The following NCOA2 variants were observed in gnomAD, a reference collection of about 807,000 sequenced individuals.
NCOA2 encodes the protein class E basic helix-loop-helix protein 75.
Under a neutral mutation model 145.1 loss-of-function variants are expected in NCOA2, and 21 were observed. The observed-to-expected ratio is 0.14, with a 90% CI of 0.10 to 0.21. The LOEUF (loss-of-function observed/expected upper bound fraction) is 0.21. Ranked by LOEUF, NCOA2 falls within the 10% of genes least tolerant of loss-of-function variation. The probability of loss-of-function intolerance (pLI) is 1.00; values close to 1 mark genes in which losing one functional copy is unlikely to be tolerated. For missense variants in NCOA2, 1,472 were observed against 1,837.6 expected, an observed-to-expected ratio of 0.80 and a Z score of 3.64; for synonymous variants, 619 against 637.5, an observed-to-expected ratio of 0.97 and a Z score of 0.44.
At chr8:70,226,952 C>T (rs2134139923) in intron 2 of NCOA2, among the ~76,000 whole-genome samples, 1 of 152,118 alleles carries the variant, frequency 6.6e-6, no homozygotes, top group East Asian at 1.9e-4. Context: ...TCCCTTTACG[C>T]AGGCTTCACA....
In NCOA2 at chr8:70,113,533, G is replaced by A. The variant is rs1475954800; in HGVS notation, c.*99C>T. 2.9e-6 allele frequency: 4 copies of A among 1,383,828 alleles called. No homozygotes were observed. Among genetic ancestry groups the A allele is most frequent in the Non-Finnish European group, 4.0e-6 (4 of 996,394 alleles). 85.7% of individuals were successfully genotyped at this position (1,383,828 alleles called of 1,614,324 possible). ...TCTGCTCTAGCAGAACCGGCTGGCA[G>A]GTCAGTTGGGTTGAAACAAATAGAC... is the stretch of plus-strand genomic sequence containing the variant. On this transcript the variant is annotated 3_prime_UTR_variant, in exon 23 of 23. Coordinates refer to ENST00000452400, the MANE Select transcript of NCOA2 (RefSeq NM_006540.4).
At chr8:70,383,608 C>T (rs1453621469) in intron 1 of NCOA2, among the ~76,000 whole-genome samples, 3 of 152,034 alleles carry the variant, frequency 2.0e-5, no homozygotes, top group East Asian at 1.9e-4. Context: ...TGGGTTCAAG[C>T]GATTCTCCTG....
chr8:70,183,652 C>T (rs1226428574), intron 4 of NCOA2, among the ~76,000 whole-genome samples: 1 of 152,176 alleles, frequency 6.6e-6, no homozygotes, highest in East Asian at 1.9e-4. Context: ...GGCACAGATG[C>T]CCTTCCACCC....
intron 2 of NCOA2, among the ~76,000 whole-genome samples, chr8:70,291,122 G>A (rs1038605386): frequency 6.6e-6 from 1 of 152,040 alleles, no homozygotes. Context: ...ATTCAAGTTT[G>A]AATTGAACCC....
chr8:70,177,429 T>A (rs548969158), intron 4 of NCOA2, among the ~76,000 whole-genome samples: 1 of 152,080 alleles, frequency 6.6e-6, no homozygotes, highest in Non-Finnish European at 1.5e-5. Context: ...ACTGCATCTA[T>A]GGGGGCTGAC....
chr8:70,273,913 T>C lies in NCOA2; in HGVS notation c.-20+22831A>G, dbSNP rs191380925. 5.1e-3 allele frequency: 2,265 copies of C among 446,026 alleles called. 20 individuals are homozygous for C. The highest frequency in any genetic ancestry group is 6.4e-3 in the Non-Finnish European group (1,488 of 231,744). 27.6% of individuals were successfully genotyped at this position (446,026 alleles called of 1,614,324 possible). A position where few individuals can be genotyped will look rare whatever the true frequency, so the allele number is the denominator to read the frequency against. ...GAAGTTACTGGGAGCTGCTATTTTA[T>C]ATTATGACTGCTTTTTAAGAAATTT... On this transcript the variant is annotated intron_variant, in intron 2 of 22. Coordinates refer to ENST00000452400, the MANE Select transcript of NCOA2 (RefSeq NM_006540.4).
chr8:70,442,562 T>C, the NCOA2 span, among the ~76,000 whole-genome samples: 1 of 152,364 alleles, frequency 6.6e-6, no homozygotes, highest in South Asian at 2.1e-4. Flanking sequence ...CTTCTTAAGT[T>C]AGAAAATTTT....
At chr8:70,132,270 A>G (rs1476407714) in intron 15 of NCOA2, among the ~76,000 whole-genome samples, 8 of 152,228 alleles carry the variant, frequency 5.3e-5, no homozygotes, top group Non-Finnish European at 1.2e-4. Context: ...GCTGAGGCTT[A>G]GTGAGGTGAG....
intron 14 of NCOA2, 123 bp downstream of exon 14, chr8:70,141,061 T>C (rs915726219): frequency 1.8e-5 from 17 of 959,930 alleles, no homozygotes; most frequent in African/African-American, 1.2e-4. Context: ...ATCCCACTTA[T>C]GGCAGCTTCA....
intron 22 of NCOA2, among the ~76,000 whole-genome samples, chr8:70,118,657 A>G (rs1416900929): frequency 6.6e-6 from 1 of 151,936 alleles, no homozygotes; most frequent in Non-Finnish European, 1.5e-5. Context: ...GAAACTGAAC[A>G]ACAACCTTGT....
At chr8:70,432,880 A>C in the NCOA2 span, among the ~76,000 whole-genome samples, 1 of 152,296 alleles carries the variant, frequency 6.6e-6, no homozygotes, top group Middle Eastern at 3.4e-3. Context: ...ATTTTAACAA[A>C]AAACAGCTGA....
At chr8:70,286,847 G>C (rs1164899000) in intron 2 of NCOA2, among the ~76,000 whole-genome samples, 24 of 152,018 alleles carry the variant, frequency 1.6e-4, no homozygotes, top group Admixed American at 1.6e-3. Context: ...AGAAAGGATG[G>C]CCTATTTTTC....
In NCOA2 at chr8:70,126,890, C is replaced by G. The variant is rs1808478352; in HGVS notation, c.3839G>C (p.Ser1280Thr). 1.9e-6 allele frequency: 3 copies of G among 1,613,910 alleles called. No homozygotes were observed. In the African/African-American group the frequency reaches 4.0e-5, roughly 22 times the overall value. Residue 1280 changes from serine to threonine, a missense_variant, in exon 19 of 23, where the codon AGT (serine) becomes ACT (threonine). Transcript: ENST00000452400. Reference protein sequence around the residue: ...LNMTPSMVAPSGMPATMSNPR... With the variant: ...LNMTPSMVAPTGMPATMSNPR... ...GTTGCTCATAGTTGCTGGCATACCA[C>G]TAGGAGCCACCATGCTTGGTGTCAT...
At chr8:70,241,555 T>C (rs1443221362) in intron 2 of NCOA2, among the ~76,000 whole-genome samples, 1 of 152,178 alleles carries the variant, frequency 6.6e-6, no homozygotes, top group Non-Finnish European at 1.5e-5. Flanking sequence ...ACTGTAATAG[T>C]TCCCTCCTTG....
At chr8:70,323,867 C>G (rs55995694) in intron 1 of NCOA2, among the ~76,000 whole-genome samples, 1 of 152,082 alleles carries the variant, frequency 6.6e-6, no homozygotes, top group Non-Finnish European at 1.5e-5. Context: ...CACAACTATC[C>G]AATACCATAT....
In NCOA2 at chr8:70,215,030, C is replaced by G. The variant is rs576395029; in HGVS notation, c.87-955G>C. 7.2e-5 allele frequency among the ~76,000 whole-genome samples: 11 copies of G among 152,158 alleles called. No homozygotes were observed. In the East Asian group the frequency reaches 1.5e-3, roughly 21 times the overall value. On this transcript the variant is annotated intron_variant, in intron 3 of 22. Transcript: ENST00000452400. The stretch of plus-strand genomic sequence containing the variant: ...TATGTTTGATTTTCATAAATACATA[C>G]TATAATACAATGTCTCTATTTTATA...
chr8:70,356,484 C>A lies in NCOA2; in HGVS notation c.-77+47216G>T, dbSNP rs550903400. Among the ~76,000 whole-genome samples, 3 of 152,134 alleles carry A rather than the reference C, an allele frequency of 2.0e-5. No homozygotes were observed. The South Asian group carries it at 6.2e-4, about 31-fold the overall frequency. On this transcript the variant is annotated intron_variant, in intron 1 of 22. Transcript: ENST00000452400. ...ACAAATTGTTACAGAAACTACTGAACCAATGATTTTTAAAAAGGACAAGTG... is the reference window on the plus strand; with the variant it reads ...ACAAATTGTTACAGAAACTACTGAAACAATGATTTTTAAAAAGGACAAGTG...
intron 4 of NCOA2, among the ~76,000 whole-genome samples, chr8:70,178,389 T>C (rs1815102012): frequency 6.6e-6 from 1 of 152,194 alleles, no homozygotes; most frequent in Non-Finnish European, 1.5e-5. Context: ...TACTTATAAA[T>C]GCAAAACATG....
chr8:70,174,321 T>G (rs1243698858), intron 5 of NCOA2, among the ~76,000 whole-genome samples: 2 of 152,244 alleles, frequency 1.3e-5, no homozygotes, highest in Non-Finnish European at 2.9e-5. Context: ...ATAAATAAGC[T>G]AGTTTCAAAT....
Sources: allele counts gnomAD v4.1 joint callset (sites outside exome capture counted in the v4.1 genomes callset), GRCh38; gene constraint gnomAD v4.1.1; transcripts MANE v1.5; gene names NCBI Gene and HGNC (gene_info 2026-07-23, HGNC 2026-07-21).